MGAT4C: variants seen among roughly 807,000 people sequenced by gnomAD.
MGAT4C encodes alpha-1,3-mannosyl-glycoprotein 4-beta-N-acetylglucosaminyltransferase C.
In MGAT4C, 19 loss-of-function variants were observed where a neutral mutation model predicts 40.1. The ratio of observed to expected loss-of-function variants is 0.47; its 90% CI spans 0.33 to 0.70. MGAT4C has a LOEUF of 0.70. MGAT4C is among the 30% of genes least tolerant of loss of function. The pLI is 0.02. For missense variants in MGAT4C, 491 were observed against 563.2 expected, an observed-to-expected ratio of 0.87 and a Z score of 1.30; for synonymous variants, 181 against 187.1, an observed-to-expected ratio of 0.97 and a Z score of 0.27.
chr12:86,812,858 ACTT>A (rs1426230011), intron 1 of MGAT4C, among the ~76,000 whole-genome samples: 1 of 152,076 alleles, frequency 6.6e-6, no homozygotes, highest in East Asian at 1.9e-4. Flanking sequence ...GATGGAGAGC[ACTT>A]CTTCTGGTCA....
intron 1 of MGAT4C, among the ~76,000 whole-genome samples, chr12:86,071,337 G>T (rs1029651517): frequency 6.6e-6 from 1 of 152,054 alleles, no homozygotes; most frequent in Non-Finnish European, 1.5e-5. Flanking sequence ...GATCAGATAA[G>T]GCAGAAAGAT....
At chr12:86,683,825 C>T (rs1373244704) in intron 2 of MGAT4C, among the ~76,000 whole-genome samples, 1 of 152,132 alleles carries the variant, frequency 6.6e-6, no homozygotes, top group Non-Finnish European at 1.5e-5. Context: ...CACCAGTAAC[C>T]TCTGCATCTG....
chr12:86,550,178 T>C (rs1269783025), intron 2 of MGAT4C, among the ~76,000 whole-genome samples: 1 of 152,216 alleles, frequency 6.6e-6, no homozygotes, highest in Non-Finnish European at 1.5e-5. Context: ...CCTTCTGCCA[T>C]GATCGTAAGT....
chr12:86,358,026 G>C (rs1955357614), intron 3 of MGAT4C, among the ~76,000 whole-genome samples: 1 of 152,058 alleles, frequency 6.6e-6, no homozygotes, highest in Non-Finnish European at 1.5e-5. Context: ...ACACATAATT[G>C]TCAGATTCAC....
intron 2 of MGAT4C, among the ~76,000 whole-genome samples, chr12:86,529,742 G>GT (rs1023971386): frequency 6.6e-6 from 1 of 151,406 alleles, no homozygotes; most frequent in African/African-American, 2.4e-5. Flanking sequence ...TTATTTTTTA[G>GT]TTTTTTTATT....
At chr12:86,297,479 CTG>C (rs1353748882) in intron 4 of MGAT4C, among the ~76,000 whole-genome samples, 1 of 152,146 alleles carries the variant, frequency 6.6e-6, no homozygotes, top group Non-Finnish European at 1.5e-5. Flanking sequence ...ACATTTGAGT[CTG>C]TGCACATTAA....
intron 1 of MGAT4C, among the ~76,000 whole-genome samples, chr12:86,827,067 A>C (rs2136232393): frequency 1.3e-5 from 2 of 151,488 alleles, no homozygotes; most frequent in Middle Eastern, 6.8e-3. Flanking sequence ...GAATGATATC[A>C]CTTAGAGGAT....
At chr12:86,413,446 A>C (rs1956645477) in intron 3 of MGAT4C, among the ~76,000 whole-genome samples, 1 of 152,202 alleles carries the variant, frequency 6.6e-6, no homozygotes, top group Non-Finnish European at 1.5e-5. Flanking sequence ...TAGAATCATA[A>C]GTTTGCCAAT....
At chr12:86,805,039 GTGTT>G (rs1404121929) in intron 1 of MGAT4C, among the ~76,000 whole-genome samples, 3 of 151,900 alleles carry the variant, frequency 2.0e-5, no homozygotes, top group African/African-American at 7.2e-5. Context: ...TCTCTACAAA[GTGTT>G]TGTTGCCAAT....
At chr12:86,589,414 C>G (rs1473725622) in intron 2 of MGAT4C, among the ~76,000 whole-genome samples, 12 of 151,890 alleles carry the variant, frequency 7.9e-5, no homozygotes, top group Non-Finnish European at 1.3e-4. Flanking sequence ...ATAATCAATA[C>G]CTTACCAACC....
chr12:85,986,966 C>A (rs557083185), intron 3 of MGAT4C, among the ~76,000 whole-genome samples: 1 of 151,374 alleles, frequency 6.6e-6, no homozygotes, highest in African/African-American at 2.4e-5. Context: ...AGCTAAAATG[C>A]GATTTGGTTA....
chr12:86,546,740 T>C (rs1395570105), intron 2 of MGAT4C, among the ~76,000 whole-genome samples: 4 of 152,108 alleles, frequency 2.6e-5, no homozygotes, highest in Non-Finnish European at 5.9e-5. Context: ...TACATTTATC[T>C]GAAAATATAC....
intron 2 of MGAT4C, among the ~76,000 whole-genome samples, chr12:86,486,417 CACAA>C (rs1394027770): frequency 8.4e-5 from 12 of 143,152 alleles, no homozygotes; most frequent in Non-Finnish European, 1.7e-4. Flanking sequence ...CACACACACA[CACAA>C]AAGAGCATGA....
At chr12:86,752,198 T>A (rs1024264525) in intron 1 of MGAT4C, among the ~76,000 whole-genome samples, 3 of 152,044 alleles carry the variant, frequency 2.0e-5, no homozygotes, top group Non-Finnish European at 2.9e-5. Flanking sequence ...AATTTGTCTC[T>A]GTGAGATAAA....
upstream of MGAT4C, among the ~76,000 whole-genome samples, chr12:86,258,825 T>C (rs954122355): frequency 3.3e-5 from 5 of 152,042 alleles, no homozygotes; most frequent in East Asian, 9.6e-4. Flanking sequence ...ACAAAATTAT[T>C]GGCTTATACT....
intron 4 of MGAT4C, among the ~76,000 whole-genome samples, chr12:86,330,875 T>C (rs1592705470): frequency 6.6e-6 from 1 of 152,102 alleles, no homozygotes; most frequent in African/African-American, 2.4e-5. Context: ...TTACAAAAGG[T>C]CTTTCCAAAG....
intron 2 of MGAT4C, among the ~76,000 whole-genome samples, chr12:86,708,846 C>G (rs1018929138): frequency 1.3e-5 from 2 of 152,110 alleles, no homozygotes; most frequent in African/African-American, 4.8e-5. Flanking sequence ...CACCTGTATC[C>G]CCATTTTATC....
intron 2 of MGAT4C, among the ~76,000 whole-genome samples, chr12:86,023,863 C>T (rs1309355101): frequency 6.6e-6 from 1 of 151,674 alleles, no homozygotes; most frequent in Admixed American, 6.6e-5. Flanking sequence ...TTAAAGGTCA[C>T]TTCCATGTAG....
At chr12:86,086,609 A>G (rs1459554683) in intron 1 of MGAT4C, among the ~76,000 whole-genome samples, 3 of 152,114 alleles carry the variant, frequency 2.0e-5, no homozygotes, top group African/African-American at 4.8e-5. Context: ...TAAGCAATAT[A>G]TAATAATCCA....
Sources: gnomAD v4.1 joint callset for allele counts (sites outside exome capture counted in the v4.1 genomes callset) on GRCh38, gnomAD v4.1.1 for gene constraint, MANE v1.5 for transcripts, NCBI Gene and HGNC (gene_info 2026-07-23, HGNC 2026-07-21) for gene names.